Variants in SUGCT observed in about 807,000 individuals in gnomAD.
SUGCT encodes the protein succinyl-CoA:glutarate CoA-transferase.
In SUGCT, 41 loss-of-function variants were observed where a neutral mutation model predicts 55.0. The observed-to-expected ratio is 0.74, with a 90% confidence interval of 0.58 to 0.97. The LOEUF (loss-of-function observed/expected upper bound fraction) is 0.97. Among genes scored for constraint, SUGCT ranks in the 50% least tolerant of loss-of-function variants. SUGCT has a pLI of 0.00. For synonymous variants in SUGCT, 187 were observed against 200.4 expected, an observed-to-expected ratio of 0.93 and a Z score of 0.56; for missense variants, 568 against 547.8, an observed-to-expected ratio of 1.04 and a Z score of -0.37.
intron 12 of SUGCT, among the ~76,000 whole-genome samples, chr7:40,523,493 T>C (rs1344566119): frequency 2.0e-5 from 3 of 152,134 alleles, no homozygotes; most frequent in African/African-American, 7.2e-5. Context: ...TAGTTTTCTA[T>C]GATTGCTAGA....
At chr7:40,666,820 A>G in intron 12 of SUGCT, among the ~76,000 whole-genome samples, 1 of 152,190 alleles carries the variant, frequency 6.6e-6, no homozygotes, top group East Asian at 1.9e-4. Context: ...ATATCAAGAA[A>G]GATGTTAAAG....
At chr7:40,166,668 C>G (rs1394731088) in intron 1 of SUGCT, among the ~76,000 whole-genome samples, 1 of 152,144 alleles carries the variant, frequency 6.6e-6, no homozygotes, top group Non-Finnish European at 1.5e-5. Context: ...AGGCAGATCA[C>G]CTGAGGTCAG....
At chr7:40,780,442 A>ATC (rs1789676825) in intron 13 of SUGCT, among the ~76,000 whole-genome samples, 1 of 152,206 alleles carries the variant, frequency 6.6e-6, no homozygotes, top group African/African-American at 2.4e-5. Flanking sequence ...AAAAACTGTA[A>ATC]GCAGACATAC....
chr7:40,836,231 T>C (rs1792968922), intron 13 of SUGCT, among the ~76,000 whole-genome samples: 1 of 152,196 alleles, frequency 6.6e-6, no homozygotes, highest in South Asian at 2.1e-4. Context: ...GGATGTTAGA[T>C]ACAAAATGAA....
At chr7:41,004,124 AAC>A in the SUGCT span, among the ~76,000 whole-genome samples, 1 of 152,160 alleles carries the variant, frequency 6.6e-6, no homozygotes, top group Non-Finnish European at 1.5e-5. Context: ...GAGCTCCCCA[AAC>A]ACAGATTCCC....
intron 8 of SUGCT, among the ~76,000 whole-genome samples, chr7:40,289,047 A>G (rs966168342): frequency 6.6e-6 from 1 of 152,136 alleles, no homozygotes; most frequent in African/African-American, 2.4e-5. Flanking sequence ...CTCCTTCCGT[A>G]TTATCACCTG....
chr7:40,194,091 T>A (rs1392007701), intron 5 of SUGCT, among the ~76,000 whole-genome samples: 1 of 152,136 alleles, frequency 6.6e-6, no homozygotes. Flanking sequence ...GGCTATAGTT[T>A]AGTAGCCTGA....
chr7:40,898,486 G>GGGGGGGGC, the SUGCT span, among the ~76,000 whole-genome samples: 1 of 91,652 alleles, frequency 1.1e-5, no homozygotes, highest in South Asian at 6.4e-4. Context: ...AGGTCGGGGG[G>GGGGGGGGC]GGGGGGGGGG....
chr7:40,416,249 A>G (rs902072861), intron 9 of SUGCT, among the ~76,000 whole-genome samples: 2 of 151,942 alleles, frequency 1.3e-5, no homozygotes, highest in East Asian at 1.9e-4. Flanking sequence ...TTGGTTTTGC[A>G]TATAGTGTAT....
chr7:40,311,369 A>G (rs1390761992), intron 8 of SUGCT, among the ~76,000 whole-genome samples: 1 of 152,200 alleles, frequency 6.6e-6, no homozygotes, highest in Non-Finnish European at 1.5e-5. Flanking sequence ...GAATATAATT[A>G]CAAATGTGGG....
At chr7:40,194,400 A>G (rs1284900178) in intron 5 of SUGCT, among the ~76,000 whole-genome samples, 1 of 151,938 alleles carries the variant, frequency 6.6e-6, no homozygotes, top group Non-Finnish European at 1.5e-5. Context: ...AGCTGGGACC[A>G]TAGGTATGCA....
chr7:40,461,213 T>G lies in SUGCT; in HGVS notation c.986+2015T>G, dbSNP rs142833624. On this transcript the variant is annotated intron_variant, in intron 11 of 13. Coordinates refer to ENST00000335693, the MANE Select transcript of SUGCT (RefSeq NM_001193313.2). ...TTTTTCTGAACAAATATCACTGGAA[T>G]CATTAGTACTGCTTAGTGCTTGGCT... Among the ~76,000 whole-genome samples the G allele has an allele frequency of 9.8e-5, 15 of 152,312 alleles. 1 individual carries two copies. The East Asian group carries it at 2.5e-3, about 25-fold the overall frequency.
chr7:40,917,399 A>G, the SUGCT span, among the ~76,000 whole-genome samples: 2 of 152,210 alleles, frequency 1.3e-5, no homozygotes, highest in Non-Finnish European at 2.9e-5. Flanking sequence ...CCTCAAATTT[A>G]GAGGCTCAAA....
At chr7:40,953,420 G>A in the SUGCT span, among the ~76,000 whole-genome samples, 1 of 152,134 alleles carries the variant, frequency 6.6e-6, no homozygotes, top group African/African-American at 2.4e-5. Context: ...GCTTGGAGAC[G>A]TTTGATTGTC....
chr7:40,871,056 C>A, the SUGCT span, among the ~76,000 whole-genome samples: 2 of 152,110 alleles, frequency 1.3e-5, no homozygotes, highest in Non-Finnish European at 2.9e-5. Context: ...AGCCCTTGTT[C>A]CTTTTACTAG....
chr7:40,346,912 C>T (rs147314851), intron 9 of SUGCT, among the ~76,000 whole-genome samples: 15 of 152,272 alleles, frequency 9.9e-5, no homozygotes, highest in African/African-American at 3.6e-4. Context: ...ACGCGATTCT[C>T]GGACTTGAAC....
At chr7:40,940,437 A>G in the SUGCT span, among the ~76,000 whole-genome samples, 2 of 151,976 alleles carry the variant, frequency 1.3e-5, no homozygotes, top group African/African-American at 4.8e-5. Context: ...CTATTTTGAT[A>G]GGAATTGTAT....
chr7:40,318,110 G>C (rs909210824), intron 9 of SUGCT, among the ~76,000 whole-genome samples: 1 of 152,170 alleles, frequency 6.6e-6, no homozygotes, highest in Non-Finnish European at 1.5e-5. Context: ...ATTGGTTAGA[G>C]ATCATCAGAT....
At chr7:40,200,963 CG>C (rs1786562083) in intron 6 of SUGCT, among the ~76,000 whole-genome samples, 1 of 152,044 alleles carries the variant, frequency 6.6e-6, no homozygotes, top group South Asian at 2.1e-4. Context: ...ATCACAGCAA[CG>C]GGAATACAAA....
Sources: allele counts gnomAD v4.1 joint callset (sites outside exome capture counted in the v4.1 genomes callset), GRCh38; gene constraint gnomAD v4.1.1; transcripts MANE v1.5; gene names NCBI Gene and HGNC (gene_info 2026-07-23, HGNC 2026-07-21).